POGLUT2: variants seen among roughly 807,000 people sequenced by gnomAD.
The protein encoded by POGLUT2 is ER protein 58.
POGLUT2 carries 47 observed loss-of-function variants against 57.6 expected under a neutral mutation model. That is an observed-to-expected ratio of 0.82 (90% CI 0.65 to 1.04). The LOEUF (loss-of-function observed/expected upper bound fraction) is 1.04, where lower values mean the gene tolerates loss of function less well. POGLUT2 is among the 50% of genes least tolerant of loss of function. The pLI, the probability that POGLUT2 is intolerant of heterozygous loss-of-function variation, is 0.00. For synonymous variants in POGLUT2, 200 were observed against 218.8 expected, an observed-to-expected ratio of 0.91 and a Z score of 0.76; for missense variants, 565 against 614.8, an observed-to-expected ratio of 0.92 and a Z score of 0.86.
At chr13:102,785,079 CCA>C (rs1877885411) in intron 9 of POGLUT2, among the ~76,000 whole-genome samples, 2 of 152,156 alleles carry the variant, frequency 1.3e-5, no homozygotes, top group African/African-American at 4.8e-5. Flanking sequence ...TGATGACGAA[CCA>C]CCTCTGAGGG....
chr13:102,791,930 A>G, intron 4 of POGLUT2: 1 of 1,146,264 alleles, frequency 8.7e-7, no homozygotes, highest in Non-Finnish European at 1.2e-6. Context: ...ATCTAGTCAC[A>G]GAAAATGTTT....
intron 4 of POGLUT2, 48 bp from the exon 5 acceptor site, chr13:102,791,478 A>G (rs1878177391): frequency 2.0e-6 from 3 of 1,480,394 alleles, no homozygotes; most frequent in Non-Finnish European, 2.7e-6. Flanking sequence ...TGCATTGGAT[A>G]ATACATTGTA....
chr13:102,795,250 C>CAAAAAAAAAA (rs58015405), intron 2 of POGLUT2, among the ~76,000 whole-genome samples: 2 of 42,652 alleles, frequency 4.7e-5, no homozygotes, highest in African/African-American at 7.8e-5. Flanking sequence ...GACATCGTCT[C>CAAAAAAAAAA]AAAAAAAAAA....
chr13:102,796,195 T>C (rs775550441), intron 2 of POGLUT2, among the ~76,000 whole-genome samples: 43 of 149,906 alleles, frequency 2.9e-4, no homozygotes, highest in Non-Finnish European at 4.9e-4. Context: ...CATGGGAGGC[T>C]AAGGCAGGAT....
Position 102,789,230 on chromosome 13 carries a change from C to T in POGLUT2, c.1084-9G>A, listed in dbSNP as rs777426462. On this transcript the variant is annotated splice_polypyrimidine_tract_variant and intron_variant, in intron 6 of 9. Transcript: ENST00000376004. ...TTTATTTGATACTTATGCTGCAAAACAATGGTAAAGTCTAAGAACCTCTAT... is the reference window on the plus strand; with the variant it reads ...TTTATTTGATACTTATGCTGCAAAATAATGGTAAAGTCTAAGAACCTCTAT... 3 of 1,609,656 alleles carry T rather than the reference C, an allele frequency of 1.9e-6. No individual in the cohort carries two copies. The highest frequency in any genetic ancestry group is 2.6e-6 in the Non-Finnish European group (3 of 1,175,964).
At position 102,797,010 on chromosome 13, in the gene POGLUT2, CTG is replaced by C; in HGVS notation, c.183-3_183-2del. 6.2e-7 allele frequency: 1 copy of C among 1,610,180 alleles called. No individual in the cohort carries two copies. Among genetic ancestry groups the C allele is most frequent in the Non-Finnish European group, 8.5e-7 (1 of 1,177,662 alleles). ...CTTTTCGCCTGGAGAAGATGTGAAT[CTG>C]TGATGAAAAGGCAATGGGGGAGATA... is the stretch of plus-strand genomic sequence containing the variant. On this transcript the variant is annotated splice_acceptor_variant and splice_polypyrimidine_tract_variant and intron_variant, in intron 1 of 9. Coordinates refer to ENST00000376004, the MANE Select transcript of POGLUT2 (RefSeq NM_024089.3). LOFTEE classifies it high-confidence loss of function.
rs1422640461 is a variant in POGLUT2, at chr13:102,793,326, A to G, written c.672+15T>C. 1.4e-6 allele frequency: 2 copies of G among 1,384,726 alleles called. No homozygotes were observed. Among genetic ancestry groups the G allele is most frequent in the Non-Finnish European group, 2.0e-6 (2 of 982,386 alleles). 85.8% of individuals were successfully genotyped at this position (1,384,726 alleles called of 1,614,324 possible). ...TTAAATTATCTATTACAGCTAAGAGAAAATATATACTTACCTTTCTAGTCA... is the reference window on the plus strand; with the variant it reads ...TTAAATTATCTATTACAGCTAAGAGGAAATATATACTTACCTTTCTAGTCA... On this transcript the variant is annotated intron_variant, in intron 4 of 9. Coordinates refer to ENST00000376004, the MANE Select transcript of POGLUT2 (RefSeq NM_024089.3).
At chr13:102,788,959 C>T in intron 7 of POGLUT2, 53 bp downstream of exon 7, 1 of 1,407,496 alleles carries the variant, frequency 7.1e-7, no homozygotes, top group Middle Eastern at 2.4e-4. Flanking sequence ...TTCAAAAGGA[C>T]CCATGATATT....
At chr13:102,793,074 C>G (rs1441827568) in intron 4 of POGLUT2, 6 of 373,620 alleles carry the variant, frequency 1.6e-5, no homozygotes, top group East Asian at 5.1e-5. Flanking sequence ...TGGCACCTAG[C>G]TGACACTTTG....
At chr13:102,786,162 G>C in intron 9 of POGLUT2, 70 bp downstream of exon 9, 1 of 984,124 alleles carries the variant, frequency 1.0e-6, no homozygotes, top group Non-Finnish European at 1.6e-6. Context: ...AATGACTATA[G>C]GAATAAAAGC....
In POGLUT2 at chr13:102,796,915, T is replaced by C; in HGVS notation, c.277A>G (p.Lys93Glu). 6.2e-7 allele frequency: 1 copy of C among 1,612,674 alleles called. No individual in the cohort carries two copies. The highest frequency in any genetic ancestry group is 8.5e-7 in the Non-Finnish European group (1 of 1,178,706). Residue 93 changes from lysine (K) to glutamate (E), a missense_variant, in exon 2 of 10, where the codon AAA becomes GAA. Transcript: ENST00000376004. ...TRVGVQVLDR[K>E]DGSFIVRYRM... is the part of the protein sequence containing the mutation. Reference sequence around the variant, plus strand: ...TATCTTACTATGAAGGACCCATCTTTTCGGTCTAAAACCTGGACTCCAACT... The same window carrying C: ...TATCTTACTATGAAGGACCCATCTTCTCGGTCTAAAACCTGGACTCCAACT...
In POGLUT2 at chr13:102,793,713, T is replaced by A. The variant is rs762108571; in HGVS notation, c.482A>T (p.Gln161Leu). 13 of 1,614,142 alleles carry A rather than the reference T, an allele frequency of 8.1e-6. No homozygotes were observed. The highest frequency in any genetic ancestry group is 1.0e-5 in the Non-Finnish European group (12 of 1,179,952). Residue 161 changes from glutamine (Q) to leucine (L), a missense_variant, in exon 3 of 10, where the codon CAG (glutamine) becomes CTG (leucine). Gln to Leu is a moderately radical substitution (Grantham distance 113). Coordinates refer to ENST00000376004, the MANE Select transcript of POGLUT2 (RefSeq NM_024089.3). Reference sequence around the variant, plus strand: ...AGCAGGGAAATGTGCCAGATCTCTCTGAATCTGAGCAATGGTTTCAGGGCA... The same window carrying A: ...AGCAGGGAAATGTGCCAGATCTCTCAGAATCTGAGCAATGGTTTCAGGGCA... Reference protein sequence around the residue: ...MNCPETIAQIQRDLAHFPAVD... With the variant: ...MNCPETIAQILRDLAHFPAVD...
At chr13:102,794,765 T>C (rs559961445) in intron 2 of POGLUT2, among the ~76,000 whole-genome samples, 55 of 152,180 alleles carry the variant, frequency 3.6e-4, no homozygotes, top group African/African-American at 1.3e-3. Flanking sequence ...AACCAAATAC[T>C]GGTAAAAGGG....
At position 102,798,957 on chromosome 13, in the gene POGLUT2, C is replaced by G. The variant is rs1261562634; in HGVS notation, c.-287G>C. 2.4e-6 allele frequency: 1 copy of G among 413,324 alleles called. No individual in the cohort carries two copies. The highest frequency in any genetic ancestry group is 4.3e-6 in the Non-Finnish European group (1 of 235,004). 25.6% of individuals were successfully genotyped at this position (413,324 alleles called of 1,614,324 possible). A position where few individuals can be genotyped will look rare whatever the true frequency, so the allele number is the denominator to read the frequency against. Reference sequence around the variant, plus strand: ...GGACAATGATGAACTTGAGTTGCTCCTGCCACTGGAGCATCATTTGGGAGC... The same window carrying G: ...GGACAATGATGAACTTGAGTTGCTCGTGCCACTGGAGCATCATTTGGGAGC... On this transcript the variant is annotated 5_prime_UTR_variant, in exon 1 of 10. Coordinates refer to ENST00000376004, the MANE Select transcript of POGLUT2 (RefSeq NM_024089.3).
Position 102,792,802 on chromosome 13 carries a change from TG to T in POGLUT2, c.672+538del, listed in dbSNP as rs76072979. 1.6e-3 allele frequency among the ~76,000 whole-genome samples: 249 copies of T among 151,730 alleles called. 6 individuals are homozygous for T. In the East Asian group the frequency reaches 0.04, roughly 24 times the overall value. ...GGCCTCCTGACACTTTAATTTTTTT[TG>T]GGGGGGGACAGGATCTCACTCTTGT... On this transcript the variant is annotated intron_variant, in intron 4 of 9. Transcript: ENST00000376004.
chr13:102,791,397 A>T lies in POGLUT2; in HGVS notation c.706T>A (p.Leu236Met). The T allele has an allele frequency of 1.2e-6, 2 of 1,603,422 alleles. No individual in the cohort carries two copies. The highest frequency in any genetic ancestry group is 1.7e-6 in the Non-Finnish European group (2 of 1,177,442). Reference protein sequence around the residue: ...KMPDVELFVNLGDWPLEKKKS... With the variant: ...KMPDVELFVNMGDWPLEKKKS... ...TTTTTTTCCAAAGGCCAGTCTCCCA[A>T]ATTAACAAAGAGCTCCACATCTGGC... Residue 236 changes from leucine (L) to methionine (M), a missense_variant, in exon 5 of 10, where the codon TTG becomes ATG. By Grantham distance (15) the Leu-to-Met change is conservative (BLOSUM62 2). Transcript: ENST00000376004.
rs1425939525 is a variant in POGLUT2, at chr13:102,796,880, A to G, written c.312T>C (p.Tyr104=). 1.2e-6 allele frequency: 2 copies of G among 1,611,132 alleles called. No homozygotes were observed. The highest frequency in any genetic ancestry group is 3.3e-5 in the Admixed American group (2 of 59,990). ...CCACCTTCAGATTTTTGTAGCTTGC[A>G]TACATTCTGTATCTTACTATGAAGG... ...DGSFIVRYRM[Y]ASYKNLKVEI... Residue 104 remains tyrosine, a synonymous_variant, in exon 2 of 10, where the codon TAT becomes TAC. Coordinates refer to ENST00000376004, the MANE Select transcript of POGLUT2 (RefSeq NM_024089.3).
intron 2 of POGLUT2, among the ~76,000 whole-genome samples, chr13:102,796,412 C>T (rs555477019): frequency 9.3e-5 from 14 of 151,332 alleles, no homozygotes; most frequent in African/African-American, 3.1e-4. Flanking sequence ...CCTTGTCTTT[C>T]GAGCTATCTC....
chr13:102,791,137 C>A lies in POGLUT2; in HGVS notation c.847G>T (p.Val283Leu), dbSNP rs1878153350. ...TDSVLETMGRVSLDMMSVQAN... is the reference protein window; with the variant it reads ...TDSVLETMGRLSLDMMSVQAN... ...TGCACGGACATCATATCCAGACTTA[C>A]CCTAGAAGACAAAGTGCAACAGATT... The change falls in exon 6 of 10, where the codon GTA becomes TTA. Residue 283 changes from valine (V) to leucine (L), a missense_variant and splice_region_variant. By Grantham distance (32) the Val-to-Leu change is conservative. Transcript: ENST00000376004. The A allele has an allele frequency of 4.3e-6, 7 of 1,613,400 alleles. No individual in the cohort carries two copies. The highest frequency in any genetic ancestry group is 5.9e-6 in the Non-Finnish European group (7 of 1,179,390).
Sources: gnomAD v4.1 joint callset for allele counts (sites outside exome capture counted in the v4.1 genomes callset) on GRCh38, gnomAD v4.1.1 for gene constraint, MANE v1.5 for transcripts, NCBI Gene and HGNC (gene_info 2026-07-23, HGNC 2026-07-21) for gene names.